Variants in THRB observed in about 807,000 individuals in gnomAD.
THRB encodes the protein thyroid hormone receptor beta.
In THRB, 12 loss-of-function variants were observed where a neutral mutation model predicts 47.8. That is an observed-to-expected ratio of 0.25 (90% confidence interval 0.16 to 0.41). The LOEUF (loss-of-function observed/expected upper bound fraction) is 0.41, where lower values mean the gene tolerates loss of function less well. Among genes scored for constraint, THRB ranks in the 10% least tolerant of loss-of-function variants. The probability of loss-of-function intolerance (pLI) is 1.00; values close to 1 mark genes in which losing one functional copy is unlikely to be tolerated. For missense variants in THRB, 348 were observed against 589.2 expected (o/e 0.59, Z 4.24); for synonymous variants, 218 against 212.2 (o/e 1.03, Z -0.24).
intron 1 of THRB, among the ~76,000 whole-genome samples, chr3:24,391,755 C>A (rs1035115495): frequency 6.6e-6 from 1 of 152,100 alleles, no homozygotes; most frequent in Non-Finnish European, 1.5e-5. Context: ...TCTCCTTTTC[C>A]CCCAAATACA....
At chr3:24,274,895 T>G (rs1159102413) in intron 3 of THRB, among the ~76,000 whole-genome samples, 1 of 152,222 alleles carries the variant, frequency 6.6e-6, no homozygotes, top group East Asian at 1.9e-4. Flanking sequence ...TTTTTTTATG[T>G]TGTGTTTTAT....
chr3:24,483,931 T>C (rs1256249915), intron 1 of THRB: 1 of 152,204 alleles, frequency 6.6e-6, no homozygotes, highest in Admixed American at 6.5e-5. Flanking sequence ...ACCAAGGGAA[T>C]GTGAGCAAAG....
chr3:24,254,032 TA>T (rs1307439046), intron 3 of THRB, among the ~76,000 whole-genome samples: 1 of 151,352 alleles, frequency 6.6e-6, no homozygotes, highest in African/African-American at 2.4e-5. Context: ...GTCTATTCAC[TA>T]GATTTGATTA....
chr3:24,319,329 A>G (rs1387242596), intron 2 of THRB, among the ~76,000 whole-genome samples: 1 of 152,260 alleles, frequency 6.6e-6, no homozygotes, highest in African/African-American at 2.4e-5. Flanking sequence ...TTTCTGTTAC[A>G]CAAGAAAATG....
intron 4 of THRB, among the ~76,000 whole-genome samples, chr3:24,225,148 T>C (rs1445174446): frequency 6.6e-6 from 1 of 152,148 alleles, no homozygotes; most frequent in Non-Finnish European, 1.5e-5. Flanking sequence ...TCAGTTGTCA[T>C]AAGGGAAATT....
At position 24,391,512 on chromosome 3, in the gene THRB, T is replaced by C. The variant is rs114596638; in HGVS notation, c.-260-54141A>G. Among the ~76,000 whole-genome samples, 612 of 152,318 alleles carry C rather than the reference T, an allele frequency of 4.0e-3. 3 individuals carry two copies. Among genetic ancestry groups the C allele is most frequent in the African/African-American group, 0.014 (575 of 41,584 alleles). ...TCTTCATGGCTCCATAGTATATGTG[T>C]AATGATTGTTCAAAATATTTTATTT... On this transcript the variant is annotated intron_variant, in intron 1 of 10. Transcript: ENST00000646209.
rs538674780 is a variant in THRB, at chr3:24,486,129, T to C, written c.-261+8523A>G. Among the ~76,000 whole-genome samples the C allele has an allele frequency of 5.9e-5, 9 of 152,084 alleles. No homozygotes were observed. In the South Asian group the frequency reaches 6.2e-4, roughly 11 times the overall value. ...ATTTTTGATGGTCACAACTGGAGGG[T>C]TGGGGGAGCTATTGGCATCTAGTGG... is the stretch of plus-strand genomic sequence containing the variant. On this transcript the variant is annotated intron_variant, in intron 1 of 10. Transcript: ENST00000646209.
In THRB at chr3:24,307,881, T is replaced by C. The variant is rs189292502; in HGVS notation, c.-188-10510A>G. 2.0e-5 allele frequency among the ~76,000 whole-genome samples: 3 copies of C among 152,286 alleles called. No homozygotes were observed. In the East Asian group the frequency reaches 5.8e-4, roughly 29 times the overall value. ...GGTTGCCTCCAGGAGTTTCAGGCCA[T>C]TAGCTAATGGCCTGTTTCCATAGTT... On this transcript the variant is annotated intron_variant, in intron 2 of 10. Coordinates refer to ENST00000646209, the MANE Select transcript of THRB (RefSeq NM_001354712.2).
chr3:24,358,932 A>G (rs957235430), intron 1 of THRB, among the ~76,000 whole-genome samples: 5 of 152,144 alleles, frequency 3.3e-5, no homozygotes, highest in African/African-American at 1.2e-4. Flanking sequence ...TGCTCTCACG[A>G]CTTCCTTGAT....
chr3:24,206,975 A>T (rs1365491636), intron 4 of THRB, among the ~76,000 whole-genome samples: 1 of 152,180 alleles, frequency 6.6e-6, no homozygotes, highest in East Asian at 1.9e-4. Context: ...TAGACCAATA[A>T]CAGGCTCTGA....
At chr3:24,467,750 C>G (rs2074265185) in intron 1 of THRB, among the ~76,000 whole-genome samples, 1 of 152,296 alleles carries the variant, frequency 6.6e-6, no homozygotes, top group East Asian at 1.9e-4. Context: ...CTTTGTTGTT[C>G]CATTCATATA....
chr3:24,140,738 C>G (rs953164934), intron 8 of THRB, among the ~76,000 whole-genome samples: 1 of 152,140 alleles, frequency 6.6e-6, no homozygotes, highest in South Asian at 2.1e-4. Context: ...CAGATACCAG[C>G]CTAGATTCAA....
intron 2 of THRB, among the ~76,000 whole-genome samples, chr3:24,333,906 T>C (rs1322319664): frequency 5.9e-5 from 9 of 152,184 alleles, no homozygotes; most frequent in Admixed American, 3.9e-4. Context: ...ACATGACTCT[T>C]CTTGCCGTTT....
intron 1 of THRB, among the ~76,000 whole-genome samples, chr3:24,406,261 TTAAG>T (rs1295082087): frequency 2.6e-5 from 4 of 151,754 alleles, no homozygotes; most frequent in Admixed American, 2.6e-4. Context: ...AATTTTATAA[TTAAG>T]TGGATATTTA....
At chr3:24,266,835 A>C (rs1012010195) in intron 3 of THRB, among the ~76,000 whole-genome samples, 2 of 152,134 alleles carry the variant, frequency 1.3e-5, no homozygotes, top group African/African-American at 2.4e-5. Flanking sequence ...ATTAAACATA[A>C]ATAAGATGAA....
At chr3:24,474,804 T>A (rs145922697) in intron 1 of THRB, among the ~76,000 whole-genome samples, 85 of 152,280 alleles carry the variant, frequency 5.6e-4, no homozygotes, top group African/African-American at 1.8e-3. Context: ...TCAAACATAA[T>A]TTACAGATGG....
intron 1 of THRB, among the ~76,000 whole-genome samples, chr3:24,454,715 C>T (rs1281339092): frequency 6.6e-6 from 1 of 152,068 alleles, no homozygotes; most frequent in Admixed American, 6.6e-5. Flanking sequence ...AATTCCTAGT[C>T]TTTTTGTCTT....
At chr3:24,324,714 A>G (rs1474819625) in intron 2 of THRB, among the ~76,000 whole-genome samples, 1 of 152,240 alleles carries the variant, frequency 6.6e-6, no homozygotes, top group South Asian at 2.1e-4. Context: ...TGTAGTCCAC[A>G]GATCCAAGAT....
intron 5 of THRB, among the ~76,000 whole-genome samples, chr3:24,189,328 A>G (rs547910668): frequency 4.2e-4 from 64 of 152,318 alleles, no homozygotes; most frequent in Non-Finnish European, 8.5e-4. Context: ...GGGAAATTAA[A>G]TGAACTTAGA....
Sources: gnomAD v4.1 joint callset for allele counts (sites outside exome capture counted in the v4.1 genomes callset) on GRCh38, gnomAD v4.1.1 for gene constraint, MANE v1.5 for transcripts, NCBI Gene and HGNC (gene_info 2026-07-23, HGNC 2026-07-21) for gene names.